SYT2: variants seen among roughly 807,000 people sequenced by gnomAD.
SYT2 encodes the protein synaptotagmin-2.
SYT2 carries 15 observed loss-of-function variants against 39.9 expected under a neutral mutation model. The observed-to-expected ratio is 0.38, with a 90% CI of 0.25 to 0.58. The LOEUF (loss-of-function observed/expected upper bound fraction) is 0.58, where lower values mean the gene tolerates loss of function less well. SYT2 is among the 20% of genes least tolerant of loss of function. The pLI is 0.70. For synonymous variants in SYT2, 181 were observed against 204.5 expected (o/e 0.89, Z 0.98); for missense variants, 389 against 530.3 (o/e 0.73, Z 2.62).
Position 202,603,049 on chromosome 1 carries a change from T to A in SYT2, c.415A>T (p.Asn139Tyr). 1 of 1,613,956 alleles carries A rather than the reference T, an allele frequency of 6.2e-7. No homozygotes were observed. The change falls in exon 4 of 9, where the codon AAC (asparagine) becomes TAC (tyrosine). Residue 139 changes from asparagine to tyrosine, a missense_variant. By Grantham distance (143) the Asn-to-Tyr change is moderately radical. This residue lies in a region of SYT2 where 280 missense variants were observed against 335.6 expected (regional missense o/e 0.83). Transcript: ENST00000367268. ...GEGEEEKEPE[N>Y]LGKLQFSLDY... The stretch of plus-strand genomic sequence containing the variant: ...AGGGAAAACTGCAGTTTGCCCAGGT[T>A]CTCTGGCTCTTTCTCCTCCTCCCCT...
intron 1 of SYT2, chr1:202,643,169 G>A (rs1445622217): frequency 2.0e-5 from 3 of 152,386 alleles, no homozygotes; most frequent in African/African-American, 7.2e-5. Flanking sequence ...GCGACCCCGC[G>A]TCCGCCCACG....
intron 1 of SYT2, among the ~76,000 whole-genome samples, chr1:202,692,492 G>A (rs911804927): frequency 1.3e-5 from 2 of 152,194 alleles, no homozygotes; most frequent in Non-Finnish European, 2.9e-5. Context: ...AGGACCTGAG[G>A]TCATGGCTTT....
intron 1 of SYT2, among the ~76,000 whole-genome samples, chr1:202,611,166 C>T (rs1481849797): frequency 6.6e-6 from 1 of 152,112 alleles, no homozygotes; most frequent in African/African-American, 2.4e-5. Flanking sequence ...GCTTATGGGC[C>T]ATTTGTATAT....
intron 1 of SYT2, among the ~76,000 whole-genome samples, chr1:202,616,078 T>C (rs1268015332): frequency 1.3e-5 from 2 of 152,120 alleles, no homozygotes; most frequent in East Asian, 1.9e-4. Flanking sequence ...CCCTCTGCAC[T>C]GCACAGAAAC....
intron 1 of SYT2, among the ~76,000 whole-genome samples, chr1:202,607,975 T>C (rs1690763971): frequency 6.6e-6 from 1 of 152,198 alleles, no homozygotes; most frequent in Non-Finnish European, 1.5e-5. Context: ...ATTCACAGAA[T>C]AGTGGAACAA....
chr1:202,709,002 A>T (rs568107492), intron 1 of SYT2, among the ~76,000 whole-genome samples: 1 of 152,350 alleles, frequency 6.6e-6, no homozygotes, highest in African/African-American at 2.4e-5. Flanking sequence ...TCCACCTGGG[A>T]GAGGCCCCGC....
rs149691451 is a variant in SYT2 at position 202,661,215 on chromosome 1, G to A, written c.-18+49043C>T. Among the ~76,000 whole-genome samples, 263 of 152,102 alleles carry A rather than the reference G, an allele frequency of 1.7e-3. 3 individuals are homozygous for A. The highest frequency in any genetic ancestry group is 3.4e-3 in the Middle Eastern group (1 of 294). ...CAGCCCTTCCTGTCAGAAAAGGGCC[G>A]TGGAAGAGATAGCCCTTAGGACCAC... On this transcript the variant is annotated intron_variant, in intron 1 of 8. Transcript: ENST00000367268.
rs572130333 is a variant in SYT2, at chr1:202,646,836, C to A, written c.-17-41047G>T. ...TTCTAACTATCCCTCCCCTTCCTGA[C>A]CCCCAACTCTCTCTCCTCCGCAGCC... is the stretch of plus-strand genomic sequence containing the variant. On this transcript the variant is annotated intron_variant, in intron 1 of 8. Transcript: ENST00000367268. Among the ~76,000 whole-genome samples, 43 of 152,202 alleles carry A rather than the reference C, an allele frequency of 2.8e-4. No homozygotes were observed. In the South Asian group the frequency reaches 8.7e-3, roughly 31 times the overall value.
intron 1 of SYT2, among the ~76,000 whole-genome samples, chr1:202,695,655 G>GACATCCCT (rs1455825136): frequency 6.6e-6 from 1 of 152,190 alleles, no homozygotes. Flanking sequence ...AAGGGGACCT[G>GACATCCCT]GCATCTTCCT....
intron 1 of SYT2, among the ~76,000 whole-genome samples, chr1:202,683,717 G>C (rs978534055): frequency 1.4e-5 from 2 of 147,426 alleles, no homozygotes; most frequent in African/African-American, 5.0e-5. Context: ...ACTCCAGCAT[G>C]GATGACAGAG....
intron 1 of SYT2, among the ~76,000 whole-genome samples, chr1:202,651,128 G>A (rs1423379155): frequency 6.6e-6 from 1 of 152,212 alleles, no homozygotes; most frequent in Non-Finnish European, 1.5e-5. Flanking sequence ...GCAATGAGAA[G>A]AGGGAGTGTT....
At position 202,601,857 on chromosome 1, in the gene SYT2, T is replaced by C; in HGVS notation, c.801+33A>G. ...TGGAAGCCCACCTGTACATTCGTCTTTCTGCCCAACCTGGCCTCATCTCTG... is the reference window on the plus strand; with the variant it reads ...TGGAAGCCCACCTGTACATTCGTCTCTCTGCCCAACCTGGCCTCATCTCTG... On this transcript the variant is annotated intron_variant, in intron 6 of 8. Transcript: ENST00000367268. The surrounding 1 kb of genome is among the most constrained non-coding windows in gnomAD (Gnocchi z 4.0). The C allele has an allele frequency of 6.2e-7, 1 of 1,601,740 alleles. No individual in the cohort carries two copies. Among genetic ancestry groups the C allele is most frequent in the Non-Finnish European group, 8.5e-7 (1 of 1,173,086 alleles).
At chr1:202,671,778 G>C (rs1237120002) in intron 1 of SYT2, among the ~76,000 whole-genome samples, 3 of 152,130 alleles carry the variant, frequency 2.0e-5, no homozygotes, top group Non-Finnish European at 2.9e-5. Context: ...TCACTCTCTG[G>C]CCATGAAAAC....
In SYT2 at chr1:202,593,332, C is replaced by T. The variant is rs563984415; in HGVS notation, c.*3425G>A. The T allele has an allele frequency of 9.8e-5, 15 of 152,320 alleles. No homozygotes were observed. In the South Asian group the frequency reaches 2.9e-3, roughly 29 times the overall value. The allele number at this position is 152,320 out of a possible 1,614,324, so 9.4% of individuals were successfully genotyped here. ...CCTCAACCTCTTTGCTGTCACCCAC[C>T]CTTACCCCCACCCCACTGCATGGAG... On this transcript the variant is annotated 3_prime_UTR_variant, in exon 9 of 9. Coordinates refer to ENST00000367268, the MANE Select transcript of SYT2 (RefSeq NM_177402.5).
chr1:202,709,777 C>G (rs577203804), intron 1 of SYT2, among the ~76,000 whole-genome samples: 1 of 152,206 alleles, frequency 6.6e-6, no homozygotes, highest in Non-Finnish European at 1.5e-5. Flanking sequence ...CCAGACCCCA[C>G]CCCCCGCCCC....
At chr1:202,618,936 C>T (rs1285252739) in intron 1 of SYT2, among the ~76,000 whole-genome samples, 3 of 152,152 alleles carry the variant, frequency 2.0e-5, no homozygotes, top group Non-Finnish European at 4.4e-5. Context: ...CCCTGCATGC[C>T]ACCCAAGACT....
rs890027260 is a variant in SYT2 at position 202,596,647 on chromosome 1, C to A, written c.*110G>T. 19 of 1,078,662 alleles carry A rather than the reference C, an allele frequency of 1.8e-5. No individual in the cohort carries two copies. Among genetic ancestry groups the A allele is most frequent in the Non-Finnish European group, 2.5e-5 (19 of 759,556 alleles). The allele number at this position is 1,078,662 out of a possible 1,614,324, so 66.8% of individuals were successfully genotyped here. A position where few individuals can be genotyped will look rare whatever the true frequency, so the allele number is the denominator to read the frequency against. On this transcript the variant is annotated 3_prime_UTR_variant, in exon 9 of 9. Coordinates refer to ENST00000367268, the MANE Select transcript of SYT2 (RefSeq NM_177402.5). ...ACAAGGAAAAACAAGGACACAACCA[C>A]CCAACAAATGAAAGAAAAAAGAAAA...
intron 1 of SYT2, among the ~76,000 whole-genome samples, chr1:202,616,712 C>T (rs190795467): frequency 1.2e-4 from 19 of 152,336 alleles, no homozygotes; most frequent in East Asian, 7.7e-4. Flanking sequence ...GTCAGCTGGC[C>T]GCTGCCTGCT....
chr1:202,594,056 C>G lies in SYT2; in HGVS notation c.*2701G>C, dbSNP rs1690209897. On this transcript the variant is annotated 3_prime_UTR_variant, in exon 9 of 9. Transcript: ENST00000367268. ...CACACAAGCAGAAGCATGTTCCCAC[C>G]AAGCCCATGGACCAAGACAGATGCC... 6.6e-6 allele frequency: 1 copy of G among 152,238 alleles called. No homozygotes were observed. The highest frequency in any genetic ancestry group is 2.4e-5 in the African/African-American group (1 of 41,392). 9.4% of individuals were successfully genotyped at this position (152,238 alleles called of 1,614,324 possible).
Sources: gnomAD v4.1 joint callset for allele counts (sites outside exome capture counted in the v4.1 genomes callset) on GRCh38, gnomAD v4.1.1 for gene constraint, gnomAD v4.1.1 regional missense constraint, Gnocchi (gnomAD v3.1) non-coding constraint, MANE v1.5 for transcripts, NCBI Gene and HGNC (gene_info 2026-07-23, HGNC 2026-07-21) for gene names.